Variants in FASTKD3 observed in about 807,000 individuals in gnomAD.
FASTKD3 encodes FAST kinase domains 3.
FASTKD3 carries 47 observed loss-of-function variants against 49.7 expected under a neutral mutation model. The observed-to-expected ratio is 0.95, with a 90% CI of 0.75 to 1.21. The LOEUF (loss-of-function observed/expected upper bound fraction) is 1.21, where lower values mean the gene tolerates loss of function less well. Ranked by LOEUF, FASTKD3 falls within the 50% of genes most tolerant of loss-of-function variation. The pLI, the probability that FASTKD3 is intolerant of heterozygous loss-of-function variation, is 0.00. For synonymous variants in FASTKD3, 284 were observed against 288.6 expected (o/e 0.98, Z 0.16); for missense variants, 748 against 765.7 (o/e 0.98, Z 0.27).
At position 7,861,183 on chromosome 5, in the gene FASTKD3, C is replaced by G. The variant is rs1317510691; in HGVS notation, c.1850G>C (p.Arg617Thr). Residue 617 changes from arginine to threonine, a missense_variant, in exon 6 of 7, where the codon AGA becomes ACA. Arg to Thr is a moderately conservative substitution (Grantham distance 71). Around this residue, in one of 3 missense-constraint regions of FASTKD3, gnomAD observed 178 missense variants for 182.2 expected, o/e 0.98. Coordinates refer to ENST00000264669, the MANE Select transcript of FASTKD3 (RefSeq NM_024091.4). ...TTGATAACCGAGTAACTGTAGGTGT[C>G]TTTGTTTAATAGCTTCTTTCCCCAG... is the stretch of plus-strand genomic sequence containing the variant. ...HLLGKEAIKQRHLQLLGYQVV... is the reference protein window; with the variant it reads ...HLLGKEAIKQTHLQLLGYQVV... The G allele has an allele frequency of 6.2e-7, 1 of 1,612,276 alleles. No homozygotes were observed. The highest frequency in any genetic ancestry group is 8.5e-7 in the Non-Finnish European group (1 of 1,178,816).
Position 7,863,234 on chromosome 5 carries a change from C to A in FASTKD3, c.1525-237G>T. ...GTGTTTTTACAGTAGTCACTGGTTACCATAAACAGAAAGAAAAGTAAAGAA... is the reference window on the plus strand; with the variant it reads ...GTGTTTTTACAGTAGTCACTGGTTAACATAAACAGAAAGAAAAGTAAAGAA... On this transcript the variant is annotated intron_variant, in intron 3 of 6. Transcript: ENST00000264669. 4.9e-5 allele frequency: 22 copies of A among 452,608 alleles called. No homozygotes were observed. The highest frequency in any genetic ancestry group is 1.3e-4 in the South Asian group (5 of 37,070). 28.0% of individuals were successfully genotyped at this position (452,608 alleles called of 1,614,324 possible). A position where few individuals can be genotyped will look rare whatever the true frequency, so the allele number is the denominator to read the frequency against.
chr5:7,865,231 T>C (rs1030123647), intron 3 of FASTKD3, among the ~76,000 whole-genome samples: 1 of 152,172 alleles, frequency 6.6e-6, no homozygotes, highest in Non-Finnish European at 1.5e-5. Flanking sequence ...TTAACTATTA[T>C]TTATCTTTAT....
Position 7,866,855 on chromosome 5 carries a change from G to A in FASTKD3, c.1229C>T (p.Ala410Val), listed in dbSNP as rs776679614. Residue 410 changes from alanine to valine, a missense_variant, in exon 2 of 7, where the codon GCC (alanine) becomes GTC (valine). This residue lies in a region of FASTKD3 where 564 missense variants were observed against 562.8 expected (regional missense o/e 1.00). Transcript: ENST00000264669. ...TEKFSPRQIS[A>V]LMEPFGKLNY... ...GAGTTTCCCAAATGGTTCCATTAAG[G>A]CAGAAATCTGACGAGGTGAAAATTT... 5.6e-6 allele frequency: 9 copies of A among 1,614,000 alleles called. No individual in the cohort carries two copies. Among genetic ancestry groups the A allele is most frequent in the South Asian group, 5.5e-5 (5 of 91,030 alleles).
intron 2 of FASTKD3, among the ~76,000 whole-genome samples, chr5:7,866,408 G>A (rs550315284): frequency 2.1e-4 from 32 of 151,878 alleles, no homozygotes; most frequent in African/African-American, 6.8e-4. Flanking sequence ...TCCTAAGAAT[G>A]CTGCAATTTC....
chr5:7,865,812 G>T, intron 3 of FASTKD3, 86 bp downstream of exon 3: 1 of 985,742 alleles, frequency 1.0e-6, no homozygotes, highest in Non-Finnish European at 1.5e-6. Flanking sequence ...GCTTTTTCAG[G>T]TTATTGAGAC....
rs1442859949 is a variant in FASTKD3, at chr5:7,867,747, C to T, written c.337G>A (p.Glu113Lys). ...YRRLSNLTSS[E>K]EVLSFISTME... ...GTGCTTATAAAACTTAGCACTTCTT[C>T]TGATGAAGTCAAGTTGCTCAGTCTC... is the stretch of plus-strand genomic sequence containing the variant. Residue 113 changes from glutamate (E) to lysine (K), a missense_variant, in exon 2 of 7, where the codon GAA becomes AAA. Physicochemically the swap from Glu to Lys is moderately conservative, Grantham distance 56 (BLOSUM62 1). Coordinates refer to ENST00000264669, the MANE Select transcript of FASTKD3 (RefSeq NM_024091.4). 8.1e-6 allele frequency: 13 copies of T among 1,614,102 alleles called. No homozygotes were observed. In the East Asian group the frequency reaches 2.7e-4, roughly 33 times the overall value.
At position 7,867,826 on chromosome 5, in the gene FASTKD3, G is replaced by T; in HGVS notation, c.258C>A (p.Asp86Glu). ...LGGPVFSQVS[D>E]CDRLEQNVKN... ...TAACATTTTGTTCAAGCCTGTCGCA[G>T]TCAGATACTTGAGAGAACACTGGTC... The change falls in exon 2 of 7, where the codon GAC becomes GAA. Residue 86 changes from aspartate to glutamate, a missense_variant. Physicochemically the swap from Asp to Glu is conservative, Grantham distance 45. This residue lies in a region of FASTKD3 where 564 missense variants were observed against 562.8 expected (regional missense o/e 1.00). Coordinates refer to ENST00000264669, the MANE Select transcript of FASTKD3 (RefSeq NM_024091.4). 6.2e-7 allele frequency: 1 copy of T among 1,614,186 alleles called. No individual in the cohort carries two copies. Among genetic ancestry groups the T allele is most frequent in the Non-Finnish European group, 8.5e-7 (1 of 1,180,044 alleles).
chr5:7,864,895 A>G (rs1746827652), intron 3 of FASTKD3, among the ~76,000 whole-genome samples: 1 of 152,130 alleles, frequency 6.6e-6, no homozygotes, highest in South Asian at 2.1e-4. Flanking sequence ...AAAAAACCAA[A>G]AAGGCTCTAG....
rs1746915953 is a variant in FASTKD3 at position 7,865,970 on chromosome 5, A to G, written c.1452T>C (p.His484=). The G allele has an allele frequency of 6.2e-7, 1 of 1,613,804 alleles. No homozygotes were observed. Among genetic ancestry groups the G allele is most frequent in the Non-Finnish European group, 8.5e-7 (1 of 1,179,836 alleles). Residue 484 remains histidine, a synonymous_variant, in exon 3 of 7, where the codon CAT becomes CAC. Coordinates refer to ENST00000264669, the MANE Select transcript of FASTKD3 (RefSeq NM_024091.4). ...GTTGTGCCCGACTCAATGTGTCCAA[A>G]TGAGATTCTTTACCTGAAACAGAAA... ...FLQRLQGKES[H]LDTLSRAQLT...
At position 7,861,147 on chromosome 5, in the gene FASTKD3, A is replaced by T; in HGVS notation, c.1884+2T>A. The T allele has an allele frequency of 6.4e-7, 1 of 1,569,474 alleles. No individual in the cohort carries two copies. Among genetic ancestry groups the T allele is most frequent in the African/African-American group, 1.4e-5 (1 of 73,824 alleles). On this transcript the variant is annotated splice_donor_variant, in intron 6 of 6. Coordinates refer to ENST00000264669, the MANE Select transcript of FASTKD3 (RefSeq NM_024091.4). LOFTEE classifies it high-confidence loss of function. ...AAACAAAAAAAATAGGTGAAACCGT[A>T]CCTGAACAACTTGATAACCGAGTAA...
chr5:7,867,084 G>C lies in FASTKD3; in HGVS notation c.1000C>G (p.Leu334Val). Residue 334 changes from leucine to valine, a missense_variant, in exon 2 of 7, where the codon CTT (leucine) becomes GTT (valine). Leu to Val is a conservative substitution (Grantham distance 32). Coordinates refer to ENST00000264669, the MANE Select transcript of FASTKD3 (RefSeq NM_024091.4). ...ATGAACGCCTCCAAGACTCTCCTAA[G>C]CTCCTCGTTAGTGAAATGTGGGACA... ...RHVPHFTNEE[L>V]RRVLEAFIYF... 3 of 1,614,144 alleles carry C rather than the reference G, an allele frequency of 1.9e-6. No homozygotes were observed. In the South Asian group the frequency reaches 3.3e-5, roughly 18 times the overall value.
rs780059102 is a variant in FASTKD3 at position 7,868,989 on chromosome 5, C to G, written c.-124G>C. The G allele has an allele frequency of 2.1e-6, 2 of 933,036 alleles. No homozygotes were observed. Among genetic ancestry groups the G allele is most frequent in the African/African-American group, 1.6e-5 (1 of 61,880 alleles). The allele number at this position is 933,036 out of a possible 1,614,324, so 57.8% of individuals were successfully genotyped here. Reference sequence around the variant, plus strand: ...CGCGTTGACACCTACCGCGCTCTGCCGGGCAATCACTCCGGGTGGTCGCGG... The same window carrying G: ...CGCGTTGACACCTACCGCGCTCTGCGGGGCAATCACTCCGGGTGGTCGCGG... On this transcript the variant is annotated 5_prime_UTR_variant, in exon 1 of 7. Transcript: ENST00000264669.
Position 7,866,667 on chromosome 5 carries a change from G to A in FASTKD3, c.1417C>T (p.Leu473Phe). 1.3e-6 allele frequency: 2 copies of A among 1,592,440 alleles called. No individual in the cohort carries two copies. The highest frequency in any genetic ancestry group is 1.4e-5 in the African/African-American group (1 of 73,750). The part of the protein sequence containing the change: ...VNFLAKIFKP[L>F]FLQRLQGKES... ...TCACCTTGCAGCCGTTGAAGGAAAAGAGGCTTGAATATTTTTGCCAGAAAG... is the reference window on the plus strand; with the variant it reads ...TCACCTTGCAGCCGTTGAAGGAAAAAAGGCTTGAATATTTTTGCCAGAAAG... Residue 473 changes from leucine to phenylalanine, a missense_variant, in exon 2 of 7, where the codon CTT (leucine) becomes TTT (phenylalanine). Around this residue, in one of 3 missense-constraint regions of FASTKD3, gnomAD observed 564 missense variants for 562.8 expected, o/e 1.00. Coordinates refer to ENST00000264669, the MANE Select transcript of FASTKD3 (RefSeq NM_024091.4).
intron 2 of FASTKD3, 133 bp from the exon 3 acceptor site, chr5:7,866,116 A>G (rs1432963074): frequency 1.5e-6 from 1 of 663,116 alleles, no homozygotes; most frequent in Non-Finnish European, 2.6e-6. Flanking sequence ...TATGAAATGA[A>G]CTTGTTAGAA....
intron 1 of FASTKD3, among the ~76,000 whole-genome samples, 176 bp downstream of exon 1, chr5:7,868,803 C>A (rs917775512): frequency 6.6e-6 from 1 of 152,230 alleles, no homozygotes; most frequent in Non-Finnish European, 1.5e-5. Context: ...GACGGGAGGC[C>A]CCGCGGCGCG....
At position 7,867,976 on chromosome 5, in the gene FASTKD3, T is replaced by A. The variant is rs775525968; in HGVS notation, c.108A>T (p.Val36=). 6 of 1,614,176 alleles carry A rather than the reference T, an allele frequency of 3.7e-6. No homozygotes were observed. The highest frequency in any genetic ancestry group is 1.6e-4 in the Middle Eastern group (1 of 6,062). Residue 36 remains valine (V), a synonymous_variant, in exon 2 of 7, where the codon GTA becomes GTT. Transcript: ENST00000264669. The part of the protein sequence containing the change: ...KNKPLNHVHK[V]VKERLCPWLC... ...ACCAAGGGCACAGACGCTCCTTGAC[T>A]ACCTTGTGAACATGATTTAGAGGTT...
In FASTKD3 at chr5:7,868,200, GAAAAAAAAA is replaced by G. The variant is rs34274545; in HGVS notation, c.-113-13_-113-5del. Reference sequence around the variant, plus strand: ...TTATGAAACTACAAACGAGTATCTGGAAAAAAAAAAAAAAAAAAAAAAAGGATGGTTAAC... The same window carrying G: ...TTATGAAACTACAAACGAGTATCTGGAAAAAAAAAAAAAAGGATGGTTAAC... On this transcript the variant is annotated splice_polypyrimidine_tract_variant and splice_region_variant and intron_variant, in intron 1 of 6. Coordinates refer to ENST00000264669, the MANE Select transcript of FASTKD3 (RefSeq NM_024091.4). The G allele has an allele frequency of 8.3e-4, 186 of 224,906 alleles. No homozygotes were observed. Among genetic ancestry groups the G allele is most frequent in the African/African-American group, 4.0e-3 (141 of 35,232 alleles). 13.9% of individuals were successfully genotyped at this position (224,906 alleles called of 1,614,324 possible).
intron 3 of FASTKD3, among the ~76,000 whole-genome samples, chr5:7,863,698 G>A (rs1452354323): frequency 6.6e-6 from 1 of 152,138 alleles, no homozygotes; most frequent in African/African-American, 2.4e-5. Context: ...TGGAGAAAAT[G>A]GTTATTTATT....
At chr5:7,859,676 G>C in intron 6 of FASTKD3, 137 bp from the exon 7 acceptor site, 1 of 550,784 alleles carries the variant, frequency 1.8e-6, no homozygotes, top group Non-Finnish European at 3.2e-6. Flanking sequence ...ATCCCAACCA[G>C]CTTCTTCATC....
Sources: gnomAD v4.1 joint callset for allele counts (sites outside exome capture counted in the v4.1 genomes callset) on GRCh38, gnomAD v4.1.1 for gene constraint, gnomAD v4.1.1 regional missense constraint, MANE v1.5 for transcripts, NCBI Gene and HGNC (gene_info 2026-07-23, HGNC 2026-07-21) for gene names.